COL28A1: variants seen among roughly 807,000 people sequenced by gnomAD.
The protein encoded by COL28A1 is collagen alpha-1(XXVIII) chain.
COL28A1 carries 161 observed loss-of-function variants against 150.2 expected under a neutral mutation model. The observed-to-expected ratio is 1.07, with a 90% CI of 0.94 to 1.22. The LOEUF (loss-of-function observed/expected upper bound fraction) is 1.22, where lower values mean the gene tolerates loss of function less well. Ranked by LOEUF, COL28A1 falls within the 50% of genes most tolerant of loss-of-function variation. The pLI, the probability that COL28A1 is intolerant of heterozygous loss-of-function variation, is 0.00. For synonymous variants in COL28A1, 552 were observed against 469.7 expected, an observed-to-expected ratio of 1.18 and a Z score of -2.26; for missense variants, 1,617 against 1,388.3, an observed-to-expected ratio of 1.16 and a Z score of -2.62.
At chr7:7,348,389 C>T in the COL28A1 span, among the ~76,000 whole-genome samples, 1 of 151,902 alleles carries the variant, frequency 6.6e-6, no homozygotes, top group Non-Finnish European at 1.5e-5. Context: ...ACACATTTAC[C>T]CCTAGGTAGG....
intron 27 of COL28A1, among the ~76,000 whole-genome samples, chr7:7,385,588 GACTA>G (rs537836080): frequency 1.6e-3 from 243 of 152,198 alleles, no homozygotes; most frequent in Non-Finnish European, 2.4e-3. Context: ...ACATGTTCAT[GACTA>G]ACTAGCTGCC....
rs543937641 is a variant in COL28A1, at chr7:7,404,953, G to A, written c.2136+12906C>T. 1.1e-4 allele frequency among the ~76,000 whole-genome samples: 17 copies of A among 152,150 alleles called. No individual in the cohort carries two copies. The East Asian group carries it at 1.7e-3, about 16-fold the overall frequency. ...GGCATGAGTGCAGTGGCATGATCAC[G>A]ACTCACTGCAGCCTCAACCTCCTGG... On this transcript the variant is annotated intron_variant, in intron 27 of 34. Transcript: ENST00000399429.
chr7:7,440,556 A>T (rs1785693851), intron 21 of COL28A1, among the ~76,000 whole-genome samples: 1 of 152,216 alleles, frequency 6.6e-6, no homozygotes, highest in Non-Finnish European at 1.5e-5. Context: ...GGACTGACAG[A>T]CAAATTAGGA....
intron 27 of COL28A1, among the ~76,000 whole-genome samples, chr7:7,397,128 A>G (rs529520812): frequency 6.6e-6 from 1 of 152,284 alleles, no homozygotes; most frequent in East Asian, 1.9e-4. Context: ...TCTGAAATCA[A>G]TTTCACTGGG....
intron 3 of COL28A1, 75 bp from the exon 4 acceptor site, chr7:7,524,324 T>G: frequency 1.2e-6 from 1 of 862,314 alleles, no homozygotes; most frequent in Admixed American, 1.8e-5. Context: ...TCATAACTAT[T>G]CCCTATGGGA....
chr7:7,514,393 C>T (rs867695445), intron 8 of COL28A1, among the ~76,000 whole-genome samples: 2 of 152,170 alleles, frequency 1.3e-5, no homozygotes, highest in African/African-American at 2.4e-5. Flanking sequence ...AATTGTATTC[C>T]ATCCAGTTGA....
chr7:7,406,612 T>A (rs1369744388), intron 27 of COL28A1, among the ~76,000 whole-genome samples: 1 of 152,156 alleles, frequency 6.6e-6, no homozygotes, highest in Non-Finnish European at 1.5e-5. Context: ...GATAGTGTGG[T>A]CAAGGGTGGT....
chr7:7,411,319 A>C (rs1300884240), intron 27 of COL28A1, among the ~76,000 whole-genome samples: 1 of 152,132 alleles, frequency 6.6e-6, no homozygotes, highest in Non-Finnish European at 1.5e-5. Flanking sequence ...CAAATTCCTG[A>C]ATCAGAGAGC....
intron 21 of COL28A1, among the ~76,000 whole-genome samples, chr7:7,439,210 A>C (rs531238170): frequency 6.6e-6 from 1 of 152,178 alleles, no homozygotes; most frequent in Non-Finnish European, 1.5e-5. Flanking sequence ...TCAGAGCTGA[A>C]GCCTCCCGCT....
intron 27 of COL28A1, among the ~76,000 whole-genome samples, chr7:7,382,805 G>C (rs1466466719): frequency 6.6e-6 from 1 of 152,048 alleles, no homozygotes; most frequent in Non-Finnish European, 1.5e-5. Context: ...GAGAATCACA[G>C]GTGAAGGTAA....
At chr7:7,349,363 G>C in the COL28A1 span, among the ~76,000 whole-genome samples, 2 of 152,058 alleles carry the variant, frequency 1.3e-5, no homozygotes. Context: ...TTCTATCCCA[G>C]TATTAGCACC....
At chr7:7,392,067 A>C (rs1343206234) in intron 27 of COL28A1, among the ~76,000 whole-genome samples, 1 of 152,110 alleles carries the variant, frequency 6.6e-6, no homozygotes, top group African/African-American at 2.4e-5. Context: ...CAATTTCTTC[A>C]GTGTCAATGG....
At chr7:7,525,484 A>C (rs1327620079) in intron 3 of COL28A1, among the ~76,000 whole-genome samples, 1 of 152,216 alleles carries the variant, frequency 6.6e-6, no homozygotes, top group Admixed American at 6.5e-5. Context: ...TAACCTAGAA[A>C]TTATGTGTCA....
In COL28A1 at chr7:7,456,128, G is replaced by C; in HGVS notation, c.1303-16C>G. On this transcript the variant is annotated splice_polypyrimidine_tract_variant and intron_variant, in intron 15 of 34. Transcript: ENST00000399429. ...CTATATCCCCCTGCACAGAAAATAA[G>C]CCAGGAAATATAACAATAAAATAAA... 3 of 1,608,742 alleles carry C rather than the reference G, an allele frequency of 1.9e-6. No individual in the cohort carries two copies. The highest frequency in any genetic ancestry group is 2.5e-6 in the Non-Finnish European group (3 of 1,177,342).
chr7:7,375,676 G>T (rs1304983655), intron 30 of COL28A1, among the ~76,000 whole-genome samples, 179 bp from the exon 31 acceptor site: 6 of 152,088 alleles, frequency 3.9e-5, no homozygotes, highest in Non-Finnish European at 8.8e-5. Context: ...TAACTAAAAT[G>T]CGTTTGAGCT....
In COL28A1 at chr7:7,374,814, T is replaced by G. The variant is rs148407513; in HGVS notation, c.2359+647A>C. ...AGGGAATAAGCTGGTTCTGGGATTC[T>G]CTGTATAGAAGGACAATATGCCTGC... is the stretch of plus-strand genomic sequence containing the variant. On this transcript the variant is annotated intron_variant, in intron 31 of 34. Coordinates refer to ENST00000399429, the MANE Select transcript of COL28A1 (RefSeq NM_001037763.3). Among the ~76,000 whole-genome samples the G allele has an allele frequency of 2.6e-3, 401 of 152,280 alleles. 1 individual carries two copies. The highest frequency in any genetic ancestry group is 9.2e-3 in the African/African-American group (383 of 41,562).
intron 27 of COL28A1, among the ~76,000 whole-genome samples, chr7:7,401,710 TCTTA>T (rs150526253): frequency 1.7e-3 from 263 of 152,172 alleles, no homozygotes; most frequent in African/African-American, 4.5e-3. Flanking sequence ...TACATTTCTA[TCTTA>T]CTTATTTGTT....
At chr7:7,341,549 T>C in the COL28A1 span, among the ~76,000 whole-genome samples, 1 of 152,122 alleles carries the variant, frequency 6.6e-6, no homozygotes, top group African/African-American at 2.4e-5. Flanking sequence ...TAGCCAGGAC[T>C]ACAGGTGTGT....
the COL28A1 span, among the ~76,000 whole-genome samples, chr7:7,347,113 T>C: frequency 6.6e-6 from 1 of 152,094 alleles, no homozygotes; most frequent in Non-Finnish European, 1.5e-5. Context: ...TTCAGATGAA[T>C]TATAATGTCC....
Sources: allele counts gnomAD v4.1 joint callset (sites outside exome capture counted in the v4.1 genomes callset), GRCh38; gene constraint gnomAD v4.1.1; transcripts MANE v1.5; gene names NCBI Gene and HGNC (gene_info 2026-07-23, HGNC 2026-07-21).